The following GPC6 variants were observed in gnomAD, a reference collection of about 807,000 sequenced individuals.
GPC6 encodes glypican-6.
GPC6 carries 14 observed loss-of-function variants against 55.2 expected under a neutral mutation model. That is an observed-to-expected ratio of 0.25 (90% confidence interval 0.17 to 0.40). GPC6 has a LOEUF of 0.40. GPC6 is among the 10% of genes least tolerant of loss of function. The probability of loss-of-function intolerance (pLI) is 1.00; values close to 1 mark genes in which losing one functional copy is unlikely to be tolerated. For missense variants in GPC6, 641 were observed against 708.5 expected, an observed-to-expected ratio of 0.90 and a Z score of 1.08; for synonymous variants, 278 against 259.6, an observed-to-expected ratio of 1.07 and a Z score of -0.68.
At chr13:93,427,810 A>T (rs1877202399) in intron 1 of GPC6, among the ~76,000 whole-genome samples, 1 of 152,176 alleles carries the variant, frequency 6.6e-6, no homozygotes. Flanking sequence ...GATGGTTGTG[A>T]TCAGCCAGAA....
intron 1 of GPC6, among the ~76,000 whole-genome samples, chr13:93,503,705 A>T (rs1880606883): frequency 6.6e-6 from 1 of 152,154 alleles, no homozygotes; most frequent in African/African-American, 2.4e-5. Flanking sequence ...AGAAAGCCAT[A>T]GTAAGAATTC....
At chr13:93,621,546 C>T (rs539377128) in intron 2 of GPC6, among the ~76,000 whole-genome samples, 15 of 152,146 alleles carry the variant, frequency 9.9e-5, no homozygotes, top group Non-Finnish European at 1.3e-4. Context: ...GGGTGGAGGA[C>T]GGGGAATCTG....
chr13:94,019,228 C>G (rs1212724476), intron 3 of GPC6, among the ~76,000 whole-genome samples: 1 of 152,108 alleles, frequency 6.6e-6, no homozygotes, highest in African/African-American at 2.4e-5. Context: ...ATTACTGACT[C>G]CATGTCTTTA....
At chr13:93,857,036 T>C (rs1362730180) in intron 3 of GPC6, among the ~76,000 whole-genome samples, 1 of 151,674 alleles carries the variant, frequency 6.6e-6, no homozygotes, top group Admixed American at 6.6e-5. Flanking sequence ...TACAATACAA[T>C]ATTTACAGCC....
In GPC6 at chr13:93,496,276, G is replaced by C. The variant is rs1213655834; in HGVS notation, c.161-48987G>C. Reference sequence around the variant, plus strand: ...AAAAGCACAATATTCGGGTGGGAGTGACCCGATTTTTCAGGTGCGTCCCTC... The same window carrying C: ...AAAAGCACAATATTCGGGTGGGAGTCACCCGATTTTTCAGGTGCGTCCCTC... On this transcript the variant is annotated intron_variant, in intron 1 of 8. Coordinates refer to ENST00000377047, the MANE Select transcript of GPC6 (RefSeq NM_005708.5). Among the ~76,000 whole-genome samples, 3 of 152,142 alleles carry C rather than the reference G, an allele frequency of 2.0e-5. No individual in the cohort carries two copies. The East Asian group carries it at 5.8e-4, about 29-fold the overall frequency.
At chr13:94,121,037 G>A (rs1488398065) in intron 4 of GPC6, among the ~76,000 whole-genome samples, 2 of 152,088 alleles carry the variant, frequency 1.3e-5, no homozygotes, top group African/African-American at 2.4e-5. Flanking sequence ...AGATTAATGG[G>A]AGGGAAACAC....
intron 5 of GPC6, among the ~76,000 whole-genome samples, chr13:94,303,144 G>A (rs1875749330): frequency 6.6e-6 from 1 of 152,222 alleles, no homozygotes. Context: ...GACCAGAAGA[G>A]TGTGCAGTTG....
In GPC6 at chr13:93,386,680, G is replaced by T. The variant is rs938634325; in HGVS notation, c.161-158583G>T. 2.0e-5 allele frequency among the ~76,000 whole-genome samples: 3 copies of T among 152,144 alleles called. No homozygotes were observed. The East Asian group carries it at 5.8e-4, about 29-fold the overall frequency. ...AAAATCACTGTATTATTGCCCCATGGTTGCTACAATAAATTGTCACACACT... is the reference window on the plus strand; with the variant it reads ...AAAATCACTGTATTATTGCCCCATGTTTGCTACAATAAATTGTCACACACT... On this transcript the variant is annotated intron_variant, in intron 1 of 8. Coordinates refer to ENST00000377047, the MANE Select transcript of GPC6 (RefSeq NM_005708.5).
Position 94,200,890 on chromosome 13 carries a change from G to C in GPC6, c.878-85459G>C, listed in dbSNP as rs193163230. On this transcript the variant is annotated intron_variant, in intron 4 of 8. Coordinates refer to ENST00000377047, the MANE Select transcript of GPC6 (RefSeq NM_005708.5). ...ATGGTGGTGATGTCAGAGGAGAGCG[G>C]AGTCCAAGTGGGATGACCAGGGCTT... is the stretch of plus-strand genomic sequence containing the variant. 3.7e-4 allele frequency among the ~76,000 whole-genome samples: 56 copies of C among 152,320 alleles called. 1 individual carries two copies. Among genetic ancestry groups the C allele is most frequent in the African/African-American group, 1.2e-3 (51 of 41,584 alleles).
chr13:94,020,458 T>C (rs528397032), intron 3 of GPC6, among the ~76,000 whole-genome samples: 1 of 152,332 alleles, frequency 6.6e-6, no homozygotes, highest in Admixed American at 6.5e-5. Context: ...TTGCTGTATG[T>C]TTTTATTAGA....
chr13:93,367,072 C>T (rs1282029759), intron 1 of GPC6, among the ~76,000 whole-genome samples: 1 of 151,996 alleles, frequency 6.6e-6, no homozygotes, highest in South Asian at 2.1e-4. Flanking sequence ...TGCTTTTCAA[C>T]CTTAAAATTT....
At position 93,727,425 on chromosome 13, in the gene GPC6, C is replaced by T. The variant is rs563062045; in HGVS notation, c.320-102729C>T. 7.2e-5 allele frequency among the ~76,000 whole-genome samples: 11 copies of T among 152,212 alleles called. No individual in the cohort carries two copies. In the South Asian group the frequency reaches 2.3e-3, roughly 32 times the overall value. ...TCCCCACCCCATTTGCCCTATCTGGCCCACATCATCTCTTTCCTGGACCAC... is the reference window on the plus strand; with the variant it reads ...TCCCCACCCCATTTGCCCTATCTGGTCCACATCATCTCTTTCCTGGACCAC... On this transcript the variant is annotated intron_variant, in intron 2 of 8. Transcript: ENST00000377047.
Position 94,271,366 on chromosome 13 carries a change from ACGCG to A in GPC6, c.878-14969_878-14966del, listed in dbSNP as rs35593846. Reference sequence around the variant, plus strand: ...TCACACTTGTTAAATACACACACACACGCGCGCGCGCGCGCGCACACACACACAC... The same window carrying A: ...TCACACTTGTTAAATACACACACACACGCGCGCGCGCGCACACACACACAC... On this transcript the variant is annotated intron_variant, in intron 4 of 8. Coordinates refer to ENST00000377047, the MANE Select transcript of GPC6 (RefSeq NM_005708.5). Among the ~76,000 whole-genome samples the A allele has an allele frequency of 2.7e-3, 358 of 131,272 alleles. 1 individual carries two copies. The highest frequency in any genetic ancestry group is 8.5e-3 in the East Asian group (40 of 4,692). The allele number at this position is 131,272 out of a possible 152,430, so 86.1% of individuals were successfully genotyped here. A position where few individuals can be genotyped will look rare whatever the true frequency, so the allele number is the denominator to read the frequency against.
chr13:94,212,010 C>T (rs149404564), intron 4 of GPC6, among the ~76,000 whole-genome samples: 20 of 152,250 alleles, frequency 1.3e-4, no homozygotes, highest in Non-Finnish European at 2.4e-4. Flanking sequence ...ACACACATCT[C>T]GTTGTCTAAA....
chr13:93,600,527 A>G (rs967688641), intron 2 of GPC6, among the ~76,000 whole-genome samples: 7 of 152,230 alleles, frequency 4.6e-5, no homozygotes, highest in South Asian at 4.1e-4. Flanking sequence ...AAAAAGTTAC[A>G]AAGGATAAGC....
chr13:93,661,999 G>A (rs140821699), intron 2 of GPC6, among the ~76,000 whole-genome samples: 1 of 152,156 alleles, frequency 6.6e-6, no homozygotes, highest in African/African-American at 2.4e-5. Context: ...CCTAAAAACT[G>A]TGTGGGATAC....
intron 1 of GPC6, among the ~76,000 whole-genome samples, chr13:93,365,231 T>A (rs1315205269): frequency 6.6e-6 from 1 of 152,088 alleles, no homozygotes; most frequent in Non-Finnish European, 1.5e-5. Context: ...CTGACACTCT[T>A]CCTGATATAA....
At chr13:94,325,848 G>A (rs961292082) in intron 6 of GPC6, among the ~76,000 whole-genome samples, 25 of 152,174 alleles carry the variant, frequency 1.6e-4, no homozygotes, top group African/African-American at 5.8e-4. Context: ...TAACTTGTTT[G>A]GGTAAGCAGA....
intron 1 of GPC6, among the ~76,000 whole-genome samples, chr13:93,377,083 G>A (rs1312567981): frequency 2.0e-5 from 3 of 152,054 alleles, no homozygotes; most frequent in African/African-American, 7.3e-5. Flanking sequence ...TTGTACAAAT[G>A]TACACACATA....
Sources: gnomAD v4.1 joint callset for allele counts (sites outside exome capture counted in the v4.1 genomes callset) on GRCh38, gnomAD v4.1.1 for gene constraint, MANE v1.5 for transcripts, NCBI Gene and HGNC (gene_info 2026-07-23, HGNC 2026-07-21) for gene names.